CEP112: variants seen among roughly 807,000 people sequenced by gnomAD.
The protein encoded by CEP112 is centrosomal protein of 112 kDa.
CEP112 carries 127 observed loss-of-function variants against 153.0 expected under a neutral mutation model. The observed-to-expected ratio is 0.83, with a 90% confidence interval of 0.72 to 0.96. The LOEUF (loss-of-function observed/expected upper bound fraction) is 0.96, where lower values mean the gene tolerates loss of function less well. Among genes scored for constraint, CEP112 ranks in the 40% least tolerant of loss-of-function variants. The probability of loss-of-function intolerance (pLI) is 0.00; values close to 1 mark genes in which losing one functional copy is unlikely to be tolerated. For missense variants in CEP112, 1,089 were observed against 1,101.2 expected, an observed-to-expected ratio of 0.99 and a Z score of 0.16; for synonymous variants, 358 against 374.4, an observed-to-expected ratio of 0.96 and a Z score of 0.51.
chr17:66,166,859 G>A (rs374366909), intron 4 of CEP112, among the ~76,000 whole-genome samples: 49 of 149,422 alleles, frequency 3.3e-4, no homozygotes, highest in African/African-American at 1.1e-3. Flanking sequence ...AGCCGAGATC[G>A]TGCCACTGCA....
chr17:65,880,179 CTAGT>C (rs2059010567), intron 20 of CEP112, among the ~76,000 whole-genome samples: 1 of 152,046 alleles, frequency 6.6e-6, no homozygotes, highest in African/African-American at 2.4e-5. Context: ...GATTTTATAT[CTAGT>C]TATTTTGCCT....
chr17:66,054,617 GC>G (rs2066598926), intron 11 of CEP112, among the ~76,000 whole-genome samples: 1 of 152,166 alleles, frequency 6.6e-6, no homozygotes, highest in Non-Finnish European at 1.5e-5. Flanking sequence ...TGTGCTCCCA[GC>G]CCTGTGGGCA....
At position 66,030,091 on chromosome 17, in the gene CEP112, C is replaced by G. The variant is rs1212183621; in HGVS notation, c.1219-68G>C. Reference sequence around the variant, plus strand: ...GTAACACTTTTGTATCTGTAAGAAGCTTGAGGAACACGTATAATCTATAAG... The same window carrying G: ...GTAACACTTTTGTATCTGTAAGAAGGTTGAGGAACACGTATAATCTATAAG... On this transcript the variant is annotated intron_variant, in intron 12 of 26. Coordinates refer to ENST00000535342, the MANE Select transcript of CEP112 (RefSeq NM_001199165.4). The G allele has an allele frequency of 3.1e-6, 4 of 1,294,010 alleles. No homozygotes were observed. The Admixed American group carries it at 8.4e-5, about 27-fold the overall frequency. 80.2% of individuals were successfully genotyped at this position (1,294,010 alleles called of 1,614,324 possible).
chr17:66,100,372 C>A (rs2068518131), intron 6 of CEP112, among the ~76,000 whole-genome samples: 1 of 145,692 alleles, frequency 6.9e-6, no homozygotes, highest in South Asian at 2.2e-4. Flanking sequence ...TGCACTCCAG[C>A]CTGGACAACA....
intron 21 of CEP112, among the ~76,000 whole-genome samples, chr17:65,761,069 C>T (rs142205819): frequency 2.6e-5 from 4 of 152,070 alleles, no homozygotes; most frequent in South Asian, 2.1e-4. Flanking sequence ...TTACAATACT[C>T]GTGGGCTCTT....
chr17:65,744,157 A>C (rs192905825), intron 22 of CEP112, among the ~76,000 whole-genome samples: 67 of 152,274 alleles, frequency 4.4e-4, no homozygotes, highest in African/African-American at 1.6e-3. Flanking sequence ...GACAGGCAGG[A>C]TTTGAACCAT....
At chr17:66,098,148 A>C (rs776538515) in intron 6 of CEP112, among the ~76,000 whole-genome samples, 42 of 152,182 alleles carry the variant, frequency 2.8e-4, no homozygotes, top group Admixed American at 1.3e-4. Flanking sequence ...GCTGTAACCA[A>C]TCCTGCTGTT....
At chr17:65,911,511 A>T (rs1043232964) in intron 19 of CEP112, among the ~76,000 whole-genome samples, 1 of 152,140 alleles carries the variant, frequency 6.6e-6, no homozygotes. Flanking sequence ...GTGGTTAAAA[A>T]AATGTTTTTC....
chr17:65,985,848 G>T (rs201041853), intron 17 of CEP112, among the ~76,000 whole-genome samples: 61 of 145,986 alleles, frequency 4.2e-4, no homozygotes, highest in Middle Eastern at 7.1e-3. Flanking sequence ...AAGGGCTTTT[G>T]TTTTTTTTTT....
At chr17:65,799,714 A>G (rs1267839848) in intron 21 of CEP112, among the ~76,000 whole-genome samples, 4 of 152,218 alleles carry the variant, frequency 2.6e-5, no homozygotes, top group Non-Finnish European at 5.9e-5. Flanking sequence ...TGAAACAGAA[A>G]GCCACATTGA....
intron 18 of CEP112, among the ~76,000 whole-genome samples, chr17:65,945,613 G>A (rs967490980): frequency 2.0e-5 from 3 of 151,846 alleles, no homozygotes; most frequent in Non-Finnish European, 2.9e-5. Context: ...TTTTATTTTT[G>A]CATTCCCCTG....
intron 8 of CEP112, among the ~76,000 whole-genome samples, chr17:66,074,390 T>C (rs1173464937): frequency 1.3e-5 from 2 of 152,102 alleles, no homozygotes; most frequent in Non-Finnish European, 2.9e-5. Flanking sequence ...TTGGGGTTCC[T>C]ATAGAAGCAA....
chr17:65,722,475 C>T (rs563554143), intron 23 of CEP112, among the ~76,000 whole-genome samples: 1 of 152,302 alleles, frequency 6.6e-6, no homozygotes, highest in African/African-American at 2.4e-5. Flanking sequence ...TCTCGAACTC[C>T]TGACCTCAGG....
rs770912468 is a variant in CEP112 at position 66,028,324 on chromosome 17, G to A, written c.1585C>T (p.Gln529Ter). ...AATACAAGACTCACCCTTAGTTGTT[G>A]CTTTCTTTGAAGTTCTGATTCCTGT... is the stretch of plus-strand genomic sequence containing the variant. ...QLQESELQRKQQLRDQENKFQ... is the reference protein window; with the variant it reads ...QLQESELQRK The change falls in exon 15 of 27, where the codon CAA becomes TAA. Residue 529 changes from glutamine to a stop codon, truncating the protein, a stop_gained. Transcript: ENST00000535342. LOFTEE classifies it high-confidence loss of function. 2 of 1,588,898 alleles carry A rather than the reference G, an allele frequency of 1.3e-6. No individual in the cohort carries two copies. Among genetic ancestry groups the A allele is most frequent in the Admixed American group, 1.7e-5 (1 of 58,710 alleles).
chr17:65,798,346 TGGG>T (rs1206787903), intron 21 of CEP112, among the ~76,000 whole-genome samples: 1 of 152,206 alleles, frequency 6.6e-6, no homozygotes, highest in African/African-American at 2.4e-5. Context: ...TAGTGTATAC[TGGG>T]GAAAGGCTAG....
intron 11 of CEP112, among the ~76,000 whole-genome samples, chr17:66,056,497 T>C (rs2066694089): frequency 6.6e-6 from 1 of 152,230 alleles, no homozygotes; most frequent in Admixed American, 6.5e-5. Context: ...GTCTATCAAC[T>C]GATGAATGGA....
At chr17:65,903,809 A>G (rs2059964805) in intron 19 of CEP112, among the ~76,000 whole-genome samples, 1 of 152,264 alleles carries the variant, frequency 6.6e-6, no homozygotes, top group Admixed American at 6.5e-5. Flanking sequence ...CTGGTTCAAC[A>G]TACGCAAATC....
At chr17:65,946,412 A>T (rs2061650686) in intron 18 of CEP112, among the ~76,000 whole-genome samples, 1 of 152,106 alleles carries the variant, frequency 6.6e-6, no homozygotes, top group Admixed American at 6.5e-5. Context: ...TTGATACTGC[A>T]CCATTTATTG....
At chr17:65,644,931 T>C (rs2045352766) in intron 24 of CEP112, among the ~76,000 whole-genome samples, 1 of 152,120 alleles carries the variant, frequency 6.6e-6, no homozygotes, top group Non-Finnish European at 1.5e-5. Flanking sequence ...TATAACTTTC[T>C]TTTTCTGCTT....
Sources: allele counts gnomAD v4.1 joint callset (sites outside exome capture counted in the v4.1 genomes callset), GRCh38; gene constraint gnomAD v4.1.1; transcripts MANE v1.5; gene names NCBI Gene and HGNC (gene_info 2026-07-23, HGNC 2026-07-21).